The following PCGF3 variants were observed in gnomAD, a reference collection of about 807,000 sequenced individuals.
The protein encoded by PCGF3 is polycomb group RING finger protein 3.
PCGF3 carries 7 observed loss-of-function variants against 33.1 expected under a neutral mutation model. That is an observed-to-expected ratio of 0.21 (90% CI 0.12 to 0.40). The LOEUF is 0.40. Ranked by LOEUF, PCGF3 falls within the 10% of genes least tolerant of loss-of-function variation. PCGF3 has a pLI of 1.00. For missense variants in PCGF3, 211 were observed against 313.3 expected, an observed-to-expected ratio of 0.67 and a Z score of 2.46; for synonymous variants, 153 against 121.3, an observed-to-expected ratio of 1.26 and a Z score of -1.72.
At chr4:709,530 A>G (rs954878095) in intron 1 of PCGF3, among the ~76,000 whole-genome samples, 3 of 152,272 alleles carry the variant, frequency 2.0e-5, no homozygotes, top group Non-Finnish European at 4.4e-5. Context: ...TGAATGATGT[A>G]TGAACAAATG....
chr4:756,568 T>G (rs1352593615), intron 8 of PCGF3, among the ~76,000 whole-genome samples: 1 of 152,206 alleles, frequency 6.6e-6, no homozygotes, highest in Non-Finnish European at 1.5e-5. Context: ...ATAATTTGGT[T>G]CTTATTAAAA....
intron 2 of PCGF3, 142 bp downstream of exon 2, chr4:730,810 C>T (rs572553809): frequency 1.0e-5 from 4 of 388,092 alleles, no homozygotes; most frequent in South Asian, 1.4e-4. Flanking sequence ...TGGAGCCATG[C>T]GTGGGTCCTT....
At chr4:713,098 C>T (rs1560194799) in intron 1 of PCGF3, among the ~76,000 whole-genome samples, 1 of 148,634 alleles carries the variant, frequency 6.7e-6, no homozygotes, top group Non-Finnish European at 1.5e-5. Flanking sequence ...CTATGTTCTT[C>T]GTGGGTCCTG....
chr4:723,258 G>A (rs1368482727), intron 1 of PCGF3, among the ~76,000 whole-genome samples: 2 of 152,284 alleles, frequency 1.3e-5, no homozygotes, highest in Non-Finnish European at 2.9e-5. Flanking sequence ...AGCCGCTGCA[G>A]TTGCCGGGAG....
exon 11 of PCGF3, chr4:766,358 C>CGGTTCTGAGTCACCTTCTG (rs1190212443): frequency 8.4e-6 from 3 of 357,222 alleles, no homozygotes; most frequent in Non-Finnish European, 1.5e-5. Flanking sequence ...CCAGGCAACA[C>CGGTTCTGAGTCACCTTCTG]GGTTCTGAGT....
chr4:751,309 T>C (rs2291056), intron 8 of PCGF3, among the ~76,000 whole-genome samples: 4 of 152,342 alleles, frequency 2.6e-5, no homozygotes, highest in East Asian at 1.9e-4. Context: ...TTCACACTAA[T>C]TTTATTCTAG....
intron 3 of PCGF3, 92 bp from the exon 4 acceptor site, chr4:733,580 C>G: frequency 7.4e-7 from 1 of 1,356,258 alleles, no homozygotes. Flanking sequence ...AGGGCCTGCA[C>G]TGTCCTCCCT....
At chr4:740,930 T>C (rs1409147571) in intron 6 of PCGF3, among the ~76,000 whole-genome samples, 1 of 152,144 alleles carries the variant, frequency 6.6e-6, no homozygotes, top group African/African-American at 2.4e-5. Context: ...CGTCACTGCA[T>C]TGGGACGTTT....
chr4:751,483 C>A (rs1283540004), intron 8 of PCGF3, among the ~76,000 whole-genome samples: 1 of 152,134 alleles, frequency 6.6e-6, no homozygotes, highest in Non-Finnish European at 1.5e-5. Context: ...TGCGGTGGCC[C>A]CTGAGCTCCT....
rs1253767864 is a variant in PCGF3, at chr4:735,044, C to G, written c.206+17C>G. The G allele has an allele frequency of 2.5e-6, 4 of 1,609,068 alleles. No individual in the cohort carries two copies. Among genetic ancestry groups the G allele is most frequent in the Admixed American group, 1.7e-5 (1 of 59,506 alleles). ...GTACATCGGGTGAGTGTGGGCCTTC[C>G]CAGGCCACAGTACGTGGGGTGAGTG... On this transcript the variant is annotated intron_variant, in intron 5 of 10. Coordinates refer to ENST00000362003, the Ensembl canonical transcript of PCGF3.
At chr4:743,123 C>T (rs1053643060) in intron 6 of PCGF3, among the ~76,000 whole-genome samples, 1 of 152,230 alleles carries the variant, frequency 6.6e-6, no homozygotes, top group Non-Finnish European at 1.5e-5. Flanking sequence ...CAGTGTTTAT[C>T]AACCCCTGGT....
At chr4:739,926 T>G (rs1397755135) in intron 6 of PCGF3, among the ~76,000 whole-genome samples, 3 of 152,256 alleles carry the variant, frequency 2.0e-5, no homozygotes, top group Non-Finnish European at 4.4e-5. Context: ...AGCTCCTGTC[T>G]CTGGCCACCA....
intron 1 of PCGF3, among the ~76,000 whole-genome samples, chr4:723,185 C>T (rs1358195122): frequency 6.6e-6 from 1 of 152,346 alleles, no homozygotes; most frequent in East Asian, 1.9e-4. Context: ...TCGCCATCCG[C>T]GCGGGGATGT....
intron 9 of PCGF3, among the ~76,000 whole-genome samples, chr4:763,977 C>T (rs1475456328): frequency 2.6e-5 from 4 of 152,246 alleles, no homozygotes; most frequent in Non-Finnish European, 4.4e-5. Context: ...GGCCGTGCGA[C>T]TCCAGCTCTG....
rs775155838 is a variant in PCGF3 at position 765,077 on chromosome 4, A to G, written c.681+13A>G. On this transcript the variant is annotated intron_variant, in intron 10 of 10. Transcript: ENST00000362003. ...GTGGAGATTCAAGGTGAGACACGTG[A>G]TTTGATTTTCAGAGTCTGCTCTGAA... 6.3e-7 allele frequency: 1 copy of G among 1,590,094 alleles called. No individual in the cohort carries two copies.
At chr4:758,260 C>A (rs530991936) in intron 8 of PCGF3, among the ~76,000 whole-genome samples, 1 of 152,098 alleles carries the variant, frequency 6.6e-6, no homozygotes, top group Non-Finnish European at 1.5e-5. Context: ...TCACCGGGCA[C>A]CCCCTTTCTC....
In PCGF3 at chr4:765,802, G is replaced by T. The variant is rs140347230; in HGVS notation, c.682-230G>T. Among the ~76,000 whole-genome samples, 4 of 152,252 alleles carry T rather than the reference G, an allele frequency of 2.6e-5. No homozygotes were observed. In the South Asian group the frequency reaches 6.2e-4, roughly 24 times the overall value. Reference sequence around the variant, plus strand: ...GGTGGCCACCACGGTGTGCACAGTGGTCACTGGGTCACCTGGGGCCAGGGG... The same window carrying T: ...GGTGGCCACCACGGTGTGCACAGTGTTCACTGGGTCACCTGGGGCCAGGGG... On this transcript the variant is annotated intron_variant, in intron 10 of 10. Transcript: ENST00000362003.
chr4:761,316 G>A lies in PCGF3; in HGVS notation c.500G>A (p.Arg167His), dbSNP rs1246980678. Reference sequence around the variant, plus strand: ...CTGGAGTGTAACAGCAGCAAACTGCGCGGGCTGAAGCGGAAGTGGATCCGC... The same window carrying A: ...CTGGAGTGTAACAGCAGCAAACTGCACGGGCTGAAGCGGAAGTGGATCCGC... Residue 167 changes from arginine (R) to histidine (H), a missense_variant, in exon 9 of 11, where the codon CGC becomes CAC. By Grantham distance (29) the Arg-to-His change is conservative. Coordinates refer to ENST00000362003, the Ensembl canonical transcript of PCGF3. 6 of 1,606,516 alleles carry A rather than the reference G, an allele frequency of 3.7e-6. No homozygotes were observed. The highest frequency in any genetic ancestry group is 2.2e-5 in the East Asian group (1 of 44,666).
chr4:765,889 C>G lies in PCGF3; in HGVS notation c.682-143C>G. The G allele has an allele frequency of 7.0e-6, 5 of 709,902 alleles. No homozygotes were observed. The South Asian group carries it at 8.6e-5, about 12-fold the overall frequency. 44.0% of individuals were successfully genotyped at this position (709,902 alleles called of 1,614,324 possible). On this transcript the variant is annotated intron_variant, in intron 10 of 10. Coordinates refer to ENST00000362003, the Ensembl canonical transcript of PCGF3. ...CAACTTCTGGGGGACCCTTCTGTTG[C>G]TCAGAACAGAAGGGTCTCTGTGCAG...
Sources: gnomAD v4.1 joint callset for allele counts (sites outside exome capture counted in the v4.1 genomes callset) on GRCh38, gnomAD v4.1.1 for gene constraint, MANE v1.5 for transcripts, NCBI Gene and HGNC (gene_info 2026-07-23, HGNC 2026-07-21) for gene names.